The following SPAG16 variants were observed in gnomAD, a reference collection of about 807,000 sequenced individuals.
SPAG16 encodes sperm associated antigen 16.
A neutral mutation model predicts 80.4 loss-of-function variants in SPAG16; 86 were observed. That is an observed-to-expected ratio of 1.07 (90% CI 0.90 to 1.28). SPAG16 has a LOEUF of 1.28. Among genes scored for constraint, SPAG16 ranks in the 50% most tolerant of loss-of-function variants. The probability of loss-of-function intolerance (pLI) is 0.00; values close to 1 mark genes in which losing one functional copy is unlikely to be tolerated. For missense variants in SPAG16, 870 were observed against 765.3 expected (o/e 1.14, Z -1.61); for synonymous variants, 294 against 265.9 (o/e 1.11, Z -1.03).
At chr2:214,171,853 T>A (rs1295743482) in intron 15 of SPAG16, among the ~76,000 whole-genome samples, 1 of 151,934 alleles carries the variant, frequency 6.6e-6, no homozygotes, top group Non-Finnish European at 1.5e-5. Flanking sequence ...TATTAATGTT[T>A]TTTTCTTTTT....
chr2:214,157,207 T>C (rs529727808), intron 15 of SPAG16, among the ~76,000 whole-genome samples: 2 of 152,224 alleles, frequency 1.3e-5, no homozygotes, highest in East Asian at 1.9e-4. Flanking sequence ...CATGCTTCCT[T>C]TTTCAATCAC....
intron 12 of SPAG16, among the ~76,000 whole-genome samples, chr2:213,981,093 T>C (rs1434164586): frequency 1.3e-5 from 2 of 152,104 alleles, no homozygotes; most frequent in Non-Finnish European, 2.9e-5. Context: ...TCACTTCTTG[T>C]TGATAGCTCT....
chr2:213,340,067 C>A (rs2064596259), intron 5 of SPAG16, 96 bp from the exon 6 acceptor site: 3 of 730,760 alleles, frequency 4.1e-6, no homozygotes, highest in Admixed American at 2.9e-5. Flanking sequence ...TTCCTATTAT[C>A]TTTTGAATGG....
In SPAG16 at chr2:213,760,210, T is replaced by C. The variant is rs1000778777; in HGVS notation, c.1071-102275T>C. Among the ~76,000 whole-genome samples the C allele has an allele frequency of 5.9e-5, 9 of 152,032 alleles. No homozygotes were observed. In the East Asian group the frequency reaches 1.2e-3, roughly 20 times the overall value. On this transcript the variant is annotated intron_variant, in intron 10 of 15. Coordinates refer to ENST00000331683, the MANE Select transcript of SPAG16 (RefSeq NM_024532.5). ...CTCATTTTAGATCCAAAGATGCAAA[T>C]AGATTGAAGGTAGAGGGACAGAAAA...
At chr2:213,602,443 C>G (rs879585384) in intron 10 of SPAG16, among the ~76,000 whole-genome samples, 12 of 152,016 alleles carry the variant, frequency 7.9e-5, no homozygotes, top group African/African-American at 2.9e-4. Context: ...ACCATCCTGG[C>G]CAACATGGTG....
At chr2:213,997,324 T>A (rs1376184873) in intron 12 of SPAG16, among the ~76,000 whole-genome samples, 2 of 152,206 alleles carry the variant, frequency 1.3e-5, no homozygotes, top group African/African-American at 4.8e-5. Flanking sequence ...TTTTTGAACA[T>A]GATTAAATGT....
At chr2:213,968,586 T>C (rs1277162229) in intron 12 of SPAG16, among the ~76,000 whole-genome samples, 1 of 152,240 alleles carries the variant, frequency 6.6e-6, no homozygotes, top group Non-Finnish European at 1.5e-5. Flanking sequence ...ATTAAAATCC[T>C]GTATGTTTGG....
chr2:213,422,104 G>A, intron 9 of SPAG16: 1 of 679,086 alleles, frequency 1.5e-6, no homozygotes, highest in Non-Finnish European at 2.7e-6. Flanking sequence ...AACCCAAACA[G>A]GGCTGAAATG....
At chr2:213,563,745 T>A (rs937478042) in intron 10 of SPAG16, among the ~76,000 whole-genome samples, 1 of 152,236 alleles carries the variant, frequency 6.6e-6, no homozygotes, top group African/African-American at 2.4e-5. Context: ...ATGGTCTTTG[T>A]TTTTCTCGTT....
At chr2:213,892,602 TAAAG>T (rs918456410) in intron 11 of SPAG16, among the ~76,000 whole-genome samples, 85 of 152,108 alleles carry the variant, frequency 5.6e-4, no homozygotes, top group African/African-American at 1.8e-3. Context: ...AAAAATTTAA[TAAAG>T]AGATTAAAAT....
chr2:214,121,073 G>C (rs2054197569), intron 14 of SPAG16, among the ~76,000 whole-genome samples: 1 of 151,486 alleles, frequency 6.6e-6, no homozygotes, highest in African/African-American at 2.4e-5. Context: ...ATTTTTGTCT[G>C]TTTACTTTTT....
intron 10 of SPAG16, among the ~76,000 whole-genome samples, chr2:213,620,479 A>G (rs1467436317): frequency 6.6e-6 from 1 of 151,548 alleles, no homozygotes; most frequent in Non-Finnish European, 1.5e-5. Context: ...TTTTTAGTAG[A>G]GATAGGGTTT....
chr2:213,520,042 C>T (rs559082228), intron 10 of SPAG16, among the ~76,000 whole-genome samples: 2 of 149,298 alleles, frequency 1.3e-5, no homozygotes, highest in Admixed American at 6.7e-5. Context: ...CACACACACA[C>T]GAGAGAGAGA....
Position 213,717,252 on chromosome 2 carries a change from A to T in SPAG16, c.1071-145233A>T, listed in dbSNP as rs946810525. 2.7e-5 allele frequency among the ~76,000 whole-genome samples: 4 copies of T among 147,104 alleles called. No individual in the cohort carries two copies. In the East Asian group the frequency reaches 6.0e-4, roughly 22 times the overall value. On this transcript the variant is annotated intron_variant, in intron 10 of 15. Coordinates refer to ENST00000331683, the MANE Select transcript of SPAG16 (RefSeq NM_024532.5). The stretch of plus-strand genomic sequence containing the variant: ...CAGCTCACTGCAAGCTCCGCCTCCC[A>T]GGTACATGCCATTCTCCGGCCTCAG...
At chr2:214,089,864 T>C (rs1179133968) in intron 13 of SPAG16, among the ~76,000 whole-genome samples, 1 of 152,072 alleles carries the variant, frequency 6.6e-6, no homozygotes, top group Non-Finnish European at 1.5e-5. Context: ...TTTATTGATA[T>C]AATATTCTAA....
At chr2:214,410,046 G>GA (rs1431076302) in intron 15 of SPAG16, 94 bp from the exon 16 acceptor site, 10 of 1,407,804 alleles carry the variant, frequency 7.1e-6, no homozygotes, top group South Asian at 3.6e-5. Context: ...AATGATAATT[G>GA]AAAAAAATAG....
intron 15 of SPAG16, among the ~76,000 whole-genome samples, chr2:214,200,741 T>C (rs1003295854): frequency 1.3e-5 from 2 of 152,180 alleles, no homozygotes; most frequent in African/African-American, 4.8e-5. Context: ...AATTCAAAGT[T>C]TATAAATTCG....
intron 10 of SPAG16, among the ~76,000 whole-genome samples, chr2:213,502,570 T>C (rs1016714145): frequency 1.3e-5 from 2 of 152,266 alleles, no homozygotes; most frequent in African/African-American, 4.8e-5. Context: ...AATTAGTTTA[T>C]GAATTTCTAT....
At chr2:214,238,187 T>G (rs1375381070) in intron 15 of SPAG16, 2 of 436,780 alleles carry the variant, frequency 4.6e-6, no homozygotes, top group Non-Finnish European at 9.1e-6. Flanking sequence ...TATTTCCAGC[T>G]TTCTTGATGT....
Sources: allele counts gnomAD v4.1 joint callset (sites outside exome capture counted in the v4.1 genomes callset), GRCh38; gene constraint gnomAD v4.1.1; transcripts MANE v1.5; gene names NCBI Gene and HGNC (gene_info 2026-07-23, HGNC 2026-07-21).